GRIA1: variants seen among roughly 807,000 people sequenced by gnomAD.
GRIA1 encodes glutamate ionotropic receptor AMPA type subunit 1.
In GRIA1, 31 loss-of-function variants were observed where a neutral mutation model predicts 99.2. That is an observed-to-expected ratio of 0.31 (90% CI 0.23 to 0.42). GRIA1 has a LOEUF of 0.42. Among genes scored for constraint, GRIA1 ranks in the 10% least tolerant of loss-of-function variants. The pLI is 1.00. For synonymous variants in GRIA1, 438 were observed against 432.4 expected, an observed-to-expected ratio of 1.01 and a Z score of -0.16; for missense variants, 782 against 1,157.5, an observed-to-expected ratio of 0.68 and a Z score of 4.71.
chr5:153,739,178 G>A (rs1212298487), intron 11 of GRIA1, among the ~76,000 whole-genome samples: 1 of 151,712 alleles, frequency 6.6e-6, no homozygotes, highest in African/African-American at 2.4e-5. Flanking sequence ...GGCCCTGCTT[G>A]GCTTCATTCC....
At chr5:153,803,130 A>G (rs911054695) in intron 15 of GRIA1, among the ~76,000 whole-genome samples, 1 of 152,248 alleles carries the variant, frequency 6.6e-6, no homozygotes, top group Non-Finnish European at 1.5e-5. Context: ...GTATACAACA[A>G]GAACAGATGA....
intron 2 of GRIA1, among the ~76,000 whole-genome samples, chr5:153,629,448 T>C (rs1036868193): frequency 6.6e-6 from 1 of 152,300 alleles, no homozygotes; most frequent in Non-Finnish European, 1.5e-5. Context: ...AGCGACATTG[T>C]AGAGAGTTAA....
intron 11 of GRIA1, among the ~76,000 whole-genome samples, chr5:153,743,126 A>G (rs1263886652): frequency 1.3e-5 from 2 of 152,214 alleles, no homozygotes; most frequent in Admixed American, 1.3e-4. Context: ...CACCCAGAAA[A>G]TAGAGAGGAG....
At chr5:153,660,011 C>T (rs373563734) in intron 5 of GRIA1, among the ~76,000 whole-genome samples, 13 of 152,240 alleles carry the variant, frequency 8.5e-5, no homozygotes, top group African/African-American at 3.1e-4. Context: ...TGTCATAATA[C>T]TCCTATGAAG....
intron 10 of GRIA1, among the ~76,000 whole-genome samples, chr5:153,700,570 G>C (rs1231746918): frequency 3.9e-5 from 6 of 152,134 alleles, no homozygotes; most frequent in African/African-American, 1.4e-4. Flanking sequence ...AAGAGGAAGA[G>C]TGTGGATGAT....
At chr5:153,709,339 TC>T (rs1759144740) in intron 11 of GRIA1, among the ~76,000 whole-genome samples, 3 of 152,186 alleles carry the variant, frequency 2.0e-5, no homozygotes, top group Admixed American at 2.0e-4. Context: ...CATAAACCCT[TC>T]CTAATTTAGT....
intron 11 of GRIA1, among the ~76,000 whole-genome samples, chr5:153,762,397 T>C (rs1020742015): frequency 6.6e-6 from 1 of 152,196 alleles, no homozygotes; most frequent in Non-Finnish European, 1.5e-5. Context: ...CAGCTTCAAA[T>C]GACCTCAACA....
chr5:153,535,223 A>G (rs1460615281), intron 2 of GRIA1, among the ~76,000 whole-genome samples: 1 of 152,154 alleles, frequency 6.6e-6, no homozygotes, highest in Non-Finnish European at 1.5e-5. Context: ...CACCCAGCCC[A>G]ACACAGGCCA....
At chr5:153,575,068 T>C (rs1762412845) in intron 2 of GRIA1, among the ~76,000 whole-genome samples, 1 of 152,204 alleles carries the variant, frequency 6.6e-6, no homozygotes, top group Non-Finnish European at 1.5e-5. Flanking sequence ...ATAATTCTTG[T>C]TGATTTTGAG....
At chr5:153,565,386 CT>C (rs1249351895) in intron 2 of GRIA1, among the ~76,000 whole-genome samples, 3 of 152,124 alleles carry the variant, frequency 2.0e-5, no homozygotes, top group African/African-American at 7.2e-5. Flanking sequence ...CAATTGTCAC[CT>C]TTCCCAAAAA....
chr5:153,714,701 A>T (rs1476000775), intron 11 of GRIA1, among the ~76,000 whole-genome samples: 1 of 152,264 alleles, frequency 6.6e-6, no homozygotes, highest in African/African-American at 2.4e-5. Flanking sequence ...TGACGAGGAA[A>T]GTATGCTGAA....
At chr5:153,733,184 T>G (rs901859323) in intron 11 of GRIA1, among the ~76,000 whole-genome samples, 1 of 151,988 alleles carries the variant, frequency 6.6e-6, no homozygotes, top group Non-Finnish European at 1.5e-5. Context: ...ACATAGGAAT[T>G]GTGACATCAA....
At chr5:153,698,465 G>A (rs1020655358) in intron 9 of GRIA1, among the ~76,000 whole-genome samples, 6 of 152,198 alleles carry the variant, frequency 3.9e-5, no homozygotes, top group African/African-American at 9.7e-5. Context: ...CTCAGTAGAA[G>A]CTATTTTCAA....
chr5:153,761,544 G>A (rs1313931820), intron 11 of GRIA1, among the ~76,000 whole-genome samples: 1 of 152,062 alleles, frequency 6.6e-6, no homozygotes, highest in East Asian at 1.9e-4. Flanking sequence ...TGTGAGGAAG[G>A]GGAACTCTTA....
intron 2 of GRIA1, among the ~76,000 whole-genome samples, chr5:153,602,659 G>T (rs1468613989): frequency 6.6e-6 from 1 of 152,136 alleles, no homozygotes; most frequent in East Asian, 1.9e-4. Context: ...AAAGTAATTT[G>T]CCCAAAGTCC....
intron 5 of GRIA1, among the ~76,000 whole-genome samples, chr5:153,659,304 G>A (rs1447597387): frequency 6.6e-6 from 1 of 152,066 alleles, no homozygotes; most frequent in Non-Finnish European, 1.5e-5. Context: ...TATTTTATAG[G>A]AGAGATATGT....
intron 2 of GRIA1, among the ~76,000 whole-genome samples, chr5:153,515,783 T>C (rs1360553814): frequency 6.6e-6 from 1 of 152,250 alleles, no homozygotes; most frequent in Non-Finnish European, 1.5e-5. Context: ...TTTTTCTTGC[T>C]GAATCCCACA....
intron 11 of GRIA1, among the ~76,000 whole-genome samples, chr5:153,726,890 G>A (rs1434842876): frequency 1.3e-5 from 2 of 152,186 alleles, no homozygotes; most frequent in East Asian, 1.9e-4. Flanking sequence ...ATTTTATGAG[G>A]CAAGCATCAT....
At chr5:153,695,201 A>G (rs1206647231) in intron 8 of GRIA1, among the ~76,000 whole-genome samples, 1 of 152,212 alleles carries the variant, frequency 6.6e-6, no homozygotes, top group Admixed American at 6.5e-5. Flanking sequence ...AAGCAGAGAA[A>G]ATAATCCTAA....
Sources: gnomAD v4.1 joint callset for allele counts (sites outside exome capture counted in the v4.1 genomes callset) on GRCh38, gnomAD v4.1.1 for gene constraint, MANE v1.5 for transcripts, NCBI Gene and HGNC (gene_info 2026-07-23, HGNC 2026-07-21) for gene names.